Variants in CSMD3 observed in about 807,000 individuals in gnomAD.
The protein encoded by CSMD3 is CUB and sushi domain-containing protein 3.
Under a neutral mutation model 435.2 loss-of-function variants are expected in CSMD3, and 177 were observed. The ratio of observed to expected loss-of-function variants is 0.41; its 90% CI spans 0.36 to 0.46. The LOEUF is 0.46. Ranked by LOEUF, CSMD3 falls within the 20% of genes least tolerant of loss-of-function variation. The probability of loss-of-function intolerance (pLI) is 0.34; values close to 1 mark genes in which losing one functional copy is unlikely to be tolerated. For synonymous variants in CSMD3, 1,656 were observed against 1,520.5 expected, an observed-to-expected ratio of 1.09 and a Z score of -2.07; for missense variants, 4,265 against 4,504.6, an observed-to-expected ratio of 0.95 and a Z score of 1.52.
chr8:113,133,377 G>A (rs946373018), intron 4 of CSMD3, among the ~76,000 whole-genome samples: 14 of 151,918 alleles, frequency 9.2e-5, no homozygotes, highest in South Asian at 2.1e-4. Context: ...ACCTCACACC[G>A]TTAGGATTGC....
At chr8:112,431,973 AACTTTGAC>A in intron 32 of CSMD3, among the ~76,000 whole-genome samples, 1 of 152,196 alleles carries the variant, frequency 6.6e-6, no homozygotes, top group Non-Finnish European at 1.5e-5. Flanking sequence ...CCCAGTCATA[AACTTTGAC>A]ACTTTGAAGG....
chr8:112,971,465 T>C (rs2084654737), intron 7 of CSMD3, among the ~76,000 whole-genome samples: 2 of 152,124 alleles, frequency 1.3e-5, no homozygotes, highest in South Asian at 4.1e-4. Flanking sequence ...TATCTTTCCA[T>C]TGGGAGAAAA....
intron 6 of CSMD3, among the ~76,000 whole-genome samples, chr8:113,017,219 C>T (rs911632186): frequency 2.7e-4 from 41 of 151,984 alleles, no homozygotes; most frequent in African/African-American, 9.6e-4. Context: ...GTGCCGAAAA[C>T]GCATAATGCT....
chr8:113,379,749 T>G (rs760109109), intron 1 of CSMD3, among the ~76,000 whole-genome samples: 1 of 152,224 alleles, frequency 6.6e-6, no homozygotes, highest in African/African-American at 2.4e-5. Context: ...TTGAACAAAG[T>G]TGAGATTTAT....
At chr8:112,237,604 T>G (rs1180386193) in intron 66 of CSMD3, among the ~76,000 whole-genome samples, 2 of 152,118 alleles carry the variant, frequency 1.3e-5, no homozygotes. Flanking sequence ...TTAGGTTTAT[T>G]TTTAGAACCC....
At chr8:113,341,104 C>T (rs942027270) in intron 1 of CSMD3, among the ~76,000 whole-genome samples, 9 of 151,878 alleles carry the variant, frequency 5.9e-5, no homozygotes, top group Admixed American at 1.3e-4. Flanking sequence ...TTTGATGTTT[C>T]CATACATATA....
intron 67 of CSMD3, 52 bp downstream of exon 67, chr8:112,237,137 TA>T: frequency 6.4e-7 from 1 of 1,553,892 alleles, no homozygotes; most frequent in Non-Finnish European, 8.9e-7. Context: ...GATGAAATCA[TA>T]ATAGAAATAA....
At chr8:112,995,420 C>T (rs2085613923) in intron 6 of CSMD3, among the ~76,000 whole-genome samples, 1 of 151,448 alleles carries the variant, frequency 6.6e-6, no homozygotes, top group Admixed American at 6.6e-5. Context: ...ATGTTTGTTG[C>T]TTTCTGGACA....
At position 112,618,058 on chromosome 8, in the gene CSMD3, T is replaced by C. The variant is rs572887439; in HGVS notation, c.3715+18759A>G. Among the ~76,000 whole-genome samples, 116 of 151,894 alleles carry C rather than the reference T, an allele frequency of 7.6e-4. 1 individual carries two copies. Among genetic ancestry groups the C allele is most frequent in the Middle Eastern group, 6.8e-3 (2 of 294 alleles). ...ATATCCACCAGAATACAAGAGAGAG[T>C]TTAAGGCTACTAAAGAAAATTCTCT... On this transcript the variant is annotated intron_variant, in intron 22 of 70. Coordinates refer to ENST00000297405, the MANE Select transcript of CSMD3 (RefSeq NM_198123.2).
intron 13 of CSMD3, among the ~76,000 whole-genome samples, chr8:112,759,166 A>G (rs2077773886): frequency 1.3e-5 from 2 of 152,122 alleles, no homozygotes; most frequent in Non-Finnish European, 1.5e-5. Flanking sequence ...GAAGAAATTA[A>G]TAAAAGTCCT....
intron 38 of CSMD3, among the ~76,000 whole-genome samples, chr8:112,370,838 C>A (rs1354076985): frequency 6.6e-6 from 1 of 152,240 alleles, no homozygotes; most frequent in Middle Eastern, 3.4e-3. Context: ...TCCAAGGGGG[C>A]AAAAGTATAT....
intron 13 of CSMD3, among the ~76,000 whole-genome samples, chr8:112,752,704 ATGAG>A (rs2077598038): frequency 1.3e-5 from 2 of 152,204 alleles, no homozygotes; most frequent in Admixed American, 1.3e-4. Context: ...GAAAGACAAT[ATGAG>A]TAAGATTCTA....
intron 13 of CSMD3, among the ~76,000 whole-genome samples, chr8:112,739,908 T>C (rs2077265751): frequency 6.6e-6 from 1 of 151,866 alleles, no homozygotes; most frequent in South Asian, 2.1e-4. Flanking sequence ...ATATTATGCA[T>C]ATTAACACTA....
chr8:112,781,343 A>AG (rs1396232237), intron 13 of CSMD3, among the ~76,000 whole-genome samples: 1 of 152,066 alleles, frequency 6.6e-6, no homozygotes, highest in Non-Finnish European at 1.5e-5. Flanking sequence ...CTTCTACTTG[A>AG]GGAAAAAAGA....
chr8:112,960,282 T>G, intron 7 of CSMD3, among the ~76,000 whole-genome samples: 1 of 151,652 alleles, frequency 6.6e-6, no homozygotes, highest in East Asian at 1.9e-4. Flanking sequence ...GATGTAATCC[T>G]TAGACAAAGA....
chr8:112,995,203 GA>G (rs949068283), intron 6 of CSMD3, among the ~76,000 whole-genome samples: 17 of 151,300 alleles, frequency 1.1e-4, no homozygotes, highest in African/African-American at 3.1e-4. Context: ...TGCTACATAA[GA>G]AAAAAATATG....
chr8:112,431,832 C>G, intron 32 of CSMD3, among the ~76,000 whole-genome samples: 1 of 151,988 alleles, frequency 6.6e-6, no homozygotes, highest in East Asian at 1.9e-4. Flanking sequence ...CACAAATATA[C>G]CAAAAATGGG....
At chr8:112,950,360 A>G (rs914999592) in intron 8 of CSMD3, among the ~76,000 whole-genome samples, 2 of 151,912 alleles carry the variant, frequency 1.3e-5, no homozygotes, top group African/African-American at 4.8e-5. Context: ...AAATGAGGAA[A>G]AGAGGTGGCA....
intron 1 of CSMD3, among the ~76,000 whole-genome samples, chr8:113,323,092 T>A (rs2093960178): frequency 6.6e-6 from 1 of 152,118 alleles, no homozygotes; most frequent in Admixed American, 6.5e-5. Flanking sequence ...CTTTTGACCA[T>A]CTTACCCCAT....
Sources: gnomAD v4.1 joint callset for allele counts (sites outside exome capture counted in the v4.1 genomes callset) on GRCh38, gnomAD v4.1.1 for gene constraint, MANE v1.5 for transcripts, NCBI Gene and HGNC (gene_info 2026-07-23, HGNC 2026-07-21) for gene names.